FOXN4: variants seen among roughly 807,000 people sequenced by gnomAD.
FOXN4 encodes forkhead box N4.
A neutral mutation model predicts 45.0 loss-of-function variants in FOXN4; 12 were observed. The observed-to-expected ratio is 0.27, with a 90% CI of 0.17 to 0.43. The LOEUF (loss-of-function observed/expected upper bound fraction) is 0.43. Among genes scored for constraint, FOXN4 ranks in the 20% least tolerant of loss-of-function variants. The pLI is 1.00. For missense variants in FOXN4, 560 were observed against 694.9 expected (o/e 0.81, Z 2.18); for synonymous variants, 297 against 295.0 (o/e 1.01, Z -0.07).
At position 109,291,566 on chromosome 12, in the gene FOXN4, C is replaced by T. The variant is rs1027336472; in HGVS notation, c.87-1280G>A. ...TGCTTGGCCAGCTCTGCCTCACGTTCTCCCTCTCCCTCCTCCTCCCTGTCT... is the reference window on the plus strand; with the variant it reads ...TGCTTGGCCAGCTCTGCCTCACGTTTTCCCTCTCCCTCCTCCTCCCTGTCT... On this transcript the variant is annotated intron_variant, in intron 2 of 9. Coordinates refer to ENST00000299162, the MANE Select transcript of FOXN4 (RefSeq NM_213596.3). The surrounding 1 kb of genome is among the most constrained non-coding windows in gnomAD (Gnocchi z 6.6). Among the ~76,000 whole-genome samples, 1 of 152,044 alleles carries T rather than the reference C, an allele frequency of 6.6e-6. No individual in the cohort carries two copies. Among genetic ancestry groups the T allele is most frequent in the Non-Finnish European group, 1.5e-5 (1 of 68,004 alleles).
At position 109,301,699 on chromosome 12, in the gene FOXN4, C is replaced by G. The variant is rs372170736; in HGVS notation, c.86+6537G>C. ...CCCTATCTCTTCCTGTGGGTGTCCA[C>G]AGAATACTTATTTTGCAATGAGATA... On this transcript the variant is annotated intron_variant, in intron 2 of 9. Transcript: ENST00000299162. 6.6e-5 allele frequency among the ~76,000 whole-genome samples: 10 copies of G among 152,310 alleles called. No homozygotes were observed. The South Asian group carries it at 1.7e-3, about 25-fold the overall frequency.
chr12:109,287,825 T>C lies in FOXN4; in HGVS notation c.468+19A>G, dbSNP rs1166801098. On this transcript the variant is annotated intron_variant, in intron 5 of 9. Coordinates refer to ENST00000299162, the MANE Select transcript of FOXN4 (RefSeq NM_213596.3). This position sits in a 1 kb window ranked among gnomAD's most constrained non-coding sequence, Gnocchi z 4.1. ...GGGTGTCTGCTGCTCAGTCCAGGGC[T>C]CCCCTGAGCCCTTGGTACCTGCTGG... is the stretch of plus-strand genomic sequence containing the variant. 9.1e-6 allele frequency: 14 copies of C among 1,542,702 alleles called. No homozygotes were observed. Among genetic ancestry groups the C allele is most frequent in the Non-Finnish European group, 1.1e-5 (13 of 1,144,310 alleles).
chr12:109,298,044 C>G (rs2047833255), intron 2 of FOXN4, among the ~76,000 whole-genome samples: 1 of 152,094 alleles, frequency 6.6e-6, no homozygotes, highest in South Asian at 2.1e-4. Flanking sequence ...TGCCTTAAAA[C>G]AACTAGAAAT....
intron 8 of FOXN4, among the ~76,000 whole-genome samples, chr12:109,283,106 G>A (rs976291218): frequency 2.0e-5 from 3 of 152,092 alleles, no homozygotes; most frequent in Non-Finnish European, 4.4e-5. Flanking sequence ...GAAGGCTGGG[G>A]CACAATTAGC....
chr12:109,298,447 C>T (rs930661988), intron 2 of FOXN4, among the ~76,000 whole-genome samples: 4 of 151,638 alleles, frequency 2.6e-5, no homozygotes, highest in Non-Finnish European at 4.4e-5. Flanking sequence ...CTGCAACCTC[C>T]GCCTCCCGGG....
chr12:109,281,653 G>T lies in FOXN4; in HGVS notation c.1048C>A (p.Pro350Thr). The part of the protein sequence containing the change: ...CLAVSQLPPQ[P>T]LMTLSLQSVP... The stretch of plus-strand genomic sequence containing the variant: ...GACTGCAGGGACAGGGTCATCAGTG[G>T]CTGGGGTGGGAGCTGGGAGACAGCC... The change falls in exon 9 of 10, where the codon CCA becomes ACA. Residue 350 changes from proline to threonine, a missense_variant. Pro to Thr is a conservative substitution (Grantham distance 38). Coordinates refer to ENST00000299162, the MANE Select transcript of FOXN4 (RefSeq NM_213596.3). 1 of 1,610,500 alleles carries T rather than the reference G, an allele frequency of 6.2e-7. No homozygotes were observed. The highest frequency in any genetic ancestry group is 8.5e-7 in the Non-Finnish European group (1 of 1,178,714).
rs139416823 is a variant in FOXN4, at chr12:109,285,189, G to A, written c.901+115C>T. The A allele has an allele frequency of 9.9e-5, 127 of 1,284,466 alleles. 1 individual carries two copies. The East Asian group carries it at 2.5e-3, about 26-fold the overall frequency. The allele number at this position is 1,284,466 out of a possible 1,614,324, so 79.6% of individuals were successfully genotyped here. On this transcript the variant is annotated intron_variant, in intron 8 of 9. Coordinates refer to ENST00000299162, the MANE Select transcript of FOXN4 (RefSeq NM_213596.3). ...GTGTGTGTGCGCGTGCGTATGCATC[G>A]GCTTCACCAGGGTTGGCCATGCTCT...
chr12:109,305,270 G>A lies in FOXN4; in HGVS notation c.86+2966C>T, dbSNP rs560328289. 1.0e-3 allele frequency among the ~76,000 whole-genome samples: 153 copies of A among 152,260 alleles called. 2 individuals are homozygous for A. The highest frequency in any genetic ancestry group is 3.6e-3 in the African/African-American group (150 of 41,548). ...GGGCCCAAGAGTTCTACCTTCATGG[G>A]GTGGTTTTGGGGATTTGATGGGATT... On this transcript the variant is annotated intron_variant, in intron 2 of 9. Coordinates refer to ENST00000299162, the MANE Select transcript of FOXN4 (RefSeq NM_213596.3).
chr12:109,289,914 T>C (rs111622071), intron 3 of FOXN4, among the ~76,000 whole-genome samples: 31 of 152,364 alleles, frequency 2.0e-4, no homozygotes, highest in African/African-American at 7.0e-4. Flanking sequence ...AGCGGGACTC[T>C]ATTCACAGAA....
chr12:109,279,503 A>C lies in FOXN4; in HGVS notation c.*168T>G. The C allele has an allele frequency of 2.0e-6, 2 of 991,630 alleles. No individual in the cohort carries two copies. The highest frequency in any genetic ancestry group is 1.6e-5 in the African/African-American group (1 of 61,348). The allele number at this position is 991,630 out of a possible 1,614,324, so 61.4% of individuals were successfully genotyped here. ...AGCTCCAGGGGGAGGCACGAGAAGG[A>C]GAGGGGCTGCTGAGGGGAACCGCTT... On this transcript the variant is annotated 3_prime_UTR_variant, in exon 10 of 10. Transcript: ENST00000299162.
chr12:109,291,139 C>T lies in FOXN4; in HGVS notation c.87-853G>A, dbSNP rs1406150428. 1.3e-5 allele frequency among the ~76,000 whole-genome samples: 2 copies of T among 152,186 alleles called. No homozygotes were observed. The highest frequency in any genetic ancestry group is 4.8e-5 in the African/African-American group (2 of 41,442). ...CCACACCCACCAGCCGCAACAGATT[C>T]ATGGGCAAAACATCGGTTGTAGTGG... On this transcript the variant is annotated intron_variant, in intron 2 of 9. Coordinates refer to ENST00000299162, the MANE Select transcript of FOXN4 (RefSeq NM_213596.3). This position sits in a 1 kb window ranked among gnomAD's most constrained non-coding sequence, Gnocchi z 6.6.
rs2047759894 is a variant in FOXN4, at chr12:109,290,764, G to A, written c.87-478C>T. ...GACAAGATCAGTCACCTGACTCCATGTCCAGGGCAGTTTCCTGCTGTACTG... is the reference window on the plus strand; with the variant it reads ...GACAAGATCAGTCACCTGACTCCATATCCAGGGCAGTTTCCTGCTGTACTG... On this transcript the variant is annotated intron_variant, in intron 2 of 9. Coordinates refer to ENST00000299162, the MANE Select transcript of FOXN4 (RefSeq NM_213596.3). The surrounding 1 kb of genome is among the most constrained non-coding windows in gnomAD (Gnocchi z 5.1). Among the ~76,000 whole-genome samples the A allele has an allele frequency of 6.6e-6, 1 of 152,178 alleles. No individual in the cohort carries two copies. Among genetic ancestry groups the A allele is most frequent in the South Asian group, 2.1e-4 (1 of 4,828 alleles).
In FOXN4 at chr12:109,288,509, G is replaced by A. The variant is rs1205912725; in HGVS notation, c.233-329C>T. ...CACATGATAATATCTCAATAAACAT[G>A]AGTCAATAATAAATGATAATTGATT... On this transcript the variant is annotated intron_variant, in intron 3 of 9. Transcript: ENST00000299162. This position sits in a 1 kb window ranked among gnomAD's most constrained non-coding sequence, Gnocchi z 4.3. Among the ~76,000 whole-genome samples, 1 of 152,226 alleles carries A rather than the reference G, an allele frequency of 6.6e-6. No homozygotes were observed. The highest frequency in any genetic ancestry group is 6.5e-5 in the Admixed American group (1 of 15,284).
chr12:109,305,731 A>C (rs780216499), intron 2 of FOXN4, among the ~76,000 whole-genome samples: 7 of 152,152 alleles, frequency 4.6e-5, no homozygotes, highest in Non-Finnish European at 7.4e-5. Context: ...CACACACACA[A>C]AAAAAACAAG....
intron 2 of FOXN4, among the ~76,000 whole-genome samples, chr12:109,299,611 C>A (rs931279515): frequency 6.6e-6 from 1 of 152,290 alleles, no homozygotes; most frequent in South Asian, 2.1e-4. Flanking sequence ...TTTAGGCAGT[C>A]CCCCCTCTGC....
intron 1 of FOXN4, 117 bp from the exon 2 acceptor site, chr12:109,308,441 T>G: frequency 1.6e-6 from 1 of 625,574 alleles, no homozygotes; most frequent in Non-Finnish European, 2.6e-6. Context: ...ACAGAACACT[T>G]TTTTTTTCTT....
intron 9 of FOXN4, 44 bp from the exon 10 acceptor site, chr12:109,279,974 A>G: frequency 6.2e-7 from 1 of 1,608,592 alleles, no homozygotes. Context: ...TTCCCATCAA[A>G]TGACCTGAGT....
At position 109,291,127 on chromosome 12, in the gene FOXN4, C is replaced by G. The variant is rs2047763664; in HGVS notation, c.87-841G>C. On this transcript the variant is annotated intron_variant, in intron 2 of 9. Transcript: ENST00000299162. The surrounding 1 kb of genome is among the most constrained non-coding windows in gnomAD (Gnocchi z 6.6). ...TCCAGTTAGGACCCACACCCACCAG[C>G]CGCAACAGATTCATGGGCAAAACAT... Among the ~76,000 whole-genome samples the G allele has an allele frequency of 6.6e-6, 1 of 152,168 alleles. No homozygotes were observed. The highest frequency in any genetic ancestry group is 2.4e-5 in the African/African-American group (1 of 41,422).
rs80262509 is a variant in FOXN4, at chr12:109,279,669, G to C, written c.*2C>G. On this transcript the variant is annotated 3_prime_UTR_variant, in exon 10 of 10. Transcript: ENST00000299162. ...GGTTCCAGGGCAGGTGAGGCTGACA[G>C]CTCAAAGCAGGGCTATAGGCTTGTT... is the stretch of plus-strand genomic sequence containing the variant. The C allele has an allele frequency of 9.6e-3, 15,112 of 1,571,392 alleles. 491 individuals are homozygous for C. In the East Asian group the frequency reaches 0.096, roughly 10 times the overall value.
Sources: gnomAD v4.1 joint callset for allele counts (sites outside exome capture counted in the v4.1 genomes callset) on GRCh38, gnomAD v4.1.1 for gene constraint, Gnocchi (gnomAD v3.1) non-coding constraint, MANE v1.5 for transcripts, NCBI Gene and HGNC (gene_info 2026-07-23, HGNC 2026-07-21) for gene names.